Variants in NOP53 observed in about 807,000 individuals in gnomAD.
NOP53 encodes ribosome biogenesis protein NOP53.
In NOP53, 40 loss-of-function variants were observed where a neutral mutation model predicts 61.0. The observed-to-expected ratio is 0.66, with a 90% CI of 0.51 to 0.85. NOP53 has a LOEUF of 0.85. Ranked by LOEUF, NOP53 falls within the 40% of genes least tolerant of loss-of-function variation. The pLI is 0.00. For missense variants in NOP53, 689 were observed against 652.9 expected (o/e 1.06, Z -0.60); for synonymous variants, 308 against 289.5 (o/e 1.06, Z -0.65).
rs752146853 is a variant in NOP53 at position 47,752,571 on chromosome 19, C to CGG, written c.730_731dup (p.Ala245GlufsTer137). ...CACCCGCCGTGGAGGTGGCGCCTGC[C>CGG]GGAGCTTCCTACAATCCATCCTTTG... On this transcript the variant is annotated frameshift_variant, in exon 6 of 13. Coordinates refer to ENST00000246802, the MANE Select transcript of NOP53 (RefSeq NM_015710.5). LOFTEE classifies it high-confidence loss of function. The CGG allele has an allele frequency of 1.2e-6, 2 of 1,610,876 alleles. No homozygotes were observed. Among genetic ancestry groups the CGG allele is most frequent in the African/African-American group, 2.7e-5 (2 of 74,904 alleles).
At chr19:47,756,172 C>G (rs1389782311) in intron 10 of NOP53, 4 of 510,438 alleles carry the variant, frequency 7.8e-6, no homozygotes, top group African/African-American at 1.9e-5. Flanking sequence ...AGCCCAGCTC[C>G]TCTGTCAGCC....
At position 47,745,652 on chromosome 19, in the gene NOP53, CCCAG is replaced by C. The variant is rs1314195461; in HGVS notation, c.95_98del (p.Pro32ArgfsTer2). On this transcript the variant is annotated frameshift_variant, in exon 1 of 13. Transcript: ENST00000246802. LOFTEE classifies it high-confidence loss of function. ...TGGGGCTGCGGCCCACTTCGGTGGA[CCCAG>C]CGCTGAGGCGGCGGCGGCGAGGCCC... is the stretch of plus-strand genomic sequence containing the variant. 2.5e-6 allele frequency: 4 copies of C among 1,613,762 alleles called. No homozygotes were observed. The Admixed American group carries it at 6.7e-5, about 27-fold the overall frequency.
intron 2 of NOP53, among the ~76,000 whole-genome samples, chr19:47,747,383 T>C (rs1293711644): frequency 6.6e-6 from 1 of 152,072 alleles, no homozygotes; most frequent in Non-Finnish European, 1.5e-5. Flanking sequence ...GAGTCACGCC[T>C]GTATTCCCAG....
At chr19:47,748,936 T>TCG (rs1967094097) in intron 2 of NOP53, among the ~76,000 whole-genome samples, 1 of 151,306 alleles carries the variant, frequency 6.6e-6, no homozygotes, top group Non-Finnish European at 1.5e-5. Context: ...CTGATGCGGG[T>TCG]GGATCACCTG....
In NOP53 at chr19:47,754,858, G is replaced by T; in HGVS notation, c.1020G>T (p.Gln340His). Residue 340 changes from glutamine to histidine, a missense_variant, in exon 8 of 13, where the codon CAG (glutamine) becomes CAT (histidine). By Grantham distance (24) the Gln-to-His change is conservative. Transcript: ENST00000246802. The surrounding 1 kb of genome is among the most constrained non-coding windows in gnomAD (Gnocchi z 4.2). The part of the protein sequence containing the change: ...RLATTEKKTE[Q>H]QRRREKAVHR... The stretch of plus-strand genomic sequence containing the variant: ...CCACCACAGAGAAGAAGACGGAGCA[G>T]CAGCGGCGGCGGGAGAAGGCTGTGC... 2.0e-6 allele frequency: 3 copies of T among 1,533,256 alleles called. No individual in the cohort carries two copies. Among genetic ancestry groups the T allele is most frequent in the Non-Finnish European group, 2.6e-6 (3 of 1,149,480 alleles). 95.0% of individuals were successfully genotyped at this position (1,533,256 alleles called of 1,614,324 possible). A position where few individuals can be genotyped will look rare whatever the true frequency, so the allele number is the denominator to read the frequency against.
chr19:47,756,653 C>T (rs1179967254), intron 11 of NOP53, 35 bp from the exon 12 acceptor site: 4 of 1,613,456 alleles, frequency 2.5e-6, no homozygotes, highest in Non-Finnish European at 3.4e-6. Flanking sequence ...TGGGATTGGC[C>T]CCGGGCACTG....
At chr19:47,755,613 C>T (rs1244411044) in intron 9 of NOP53, 90 bp downstream of exon 9, 2 of 1,365,558 alleles carry the variant, frequency 1.5e-6, no homozygotes, top group East Asian at 5.0e-5. Flanking sequence ...CAGGAACTGC[C>T]CACCCCCCCC....
Position 47,745,704 on chromosome 19 carries a change from C to T in NOP53, c.145C>T (p.Arg49Trp). ...CCCAAGAAATAAGAAGCGGGGCTGG[C>T]GGCGGCTTGCTCAGGAGCCGCTGGG... ...RGPRNKKRGW[R>W]RLAQEPLGLE... Residue 49 changes from arginine to tryptophan, a missense_variant, in exon 1 of 13, where the codon CGG (arginine) becomes TGG (tryptophan). Transcript: ENST00000246802. 2 of 1,611,848 alleles carry T rather than the reference C, an allele frequency of 1.2e-6. No homozygotes were observed. Among genetic ancestry groups the T allele is most frequent in the Non-Finnish European group, 1.7e-6 (2 of 1,179,106 alleles).
intron 3 of NOP53, 142 bp downstream of exon 3, chr19:47,750,428 G>A (rs1967110697): frequency 1.6e-6 from 1 of 626,534 alleles, no homozygotes; most frequent in Non-Finnish European, 2.9e-6. Flanking sequence ...AGATTAGAGG[G>A]AGGGAGTCTG....
chr19:47,746,749 C>T (rs558018556), intron 1 of NOP53: 19 of 438,762 alleles, frequency 4.3e-5, no homozygotes, highest in Middle Eastern at 6.3e-4. Context: ...GTGAGCCACC[C>T]GCCTGGGCCT....
chr19:47,747,690 C>A (rs1044527284), intron 2 of NOP53, among the ~76,000 whole-genome samples: 4 of 150,832 alleles, frequency 2.7e-5, no homozygotes, highest in Admixed American at 2.6e-4. Context: ...GATCTCAGTT[C>A]AAGCGATTCT....
chr19:47,746,797 C>G, intron 1 of NOP53, 170 bp from the exon 2 acceptor site: 1 of 570,822 alleles, frequency 1.8e-6, no homozygotes, highest in Non-Finnish European at 3.1e-6. Flanking sequence ...GCCACTGCGC[C>G]TGGCAGTCCT....
chr19:47,749,424 G>T (rs762993118), intron 2 of NOP53, among the ~76,000 whole-genome samples: 2 of 152,114 alleles, frequency 1.3e-5, no homozygotes, highest in Non-Finnish European at 2.9e-5. Flanking sequence ...TGCTTTGTGG[G>T]CCTTAAATGA....
At chr19:47,750,812 G>A in intron 3 of NOP53, 96 bp from the exon 4 acceptor site, 5 of 992,600 alleles carry the variant, frequency 5.0e-6, no homozygotes, top group South Asian at 1.4e-5. Context: ...TGCTGAAGCT[G>A]CCTTAATGGT....
Position 47,754,399 on chromosome 19 carries a change from G to A in NOP53, c.766-128G>A. On this transcript the variant is annotated intron_variant, in intron 6 of 12. Transcript: ENST00000246802. This position sits in a 1 kb window ranked among gnomAD's most constrained non-coding sequence, Gnocchi z 4.2. ...GGGTGGGTGTGCTGGTAGACGGGGT[G>A]TGGGGAGGAAAGCCTGGGCCGGGGC... 4.1e-6 allele frequency: 3 copies of A among 723,650 alleles called. No individual in the cohort carries two copies. The highest frequency in any genetic ancestry group is 2.7e-5 in the East Asian group (1 of 36,746). 44.8% of individuals were successfully genotyped at this position (723,650 alleles called of 1,614,324 possible). A position where few individuals can be genotyped will look rare whatever the true frequency, so the allele number is the denominator to read the frequency against.
In NOP53 at chr19:47,754,922, T is replaced by C; in HGVS notation, c.1053+31T>C. 6.8e-7 allele frequency: 1 copy of C among 1,477,028 alleles called. No individual in the cohort carries two copies. Among genetic ancestry groups the C allele is most frequent in the South Asian group, 1.3e-5 (1 of 75,492 alleles). 91.5% of individuals were successfully genotyped at this position (1,477,028 alleles called of 1,614,324 possible). ...CGCCTGGGCCAGCGGGGCCTGCCTC[T>C]GATGCCTCGCCCCCTTCCTTCCTTC... On this transcript the variant is annotated intron_variant, in intron 8 of 12. Transcript: ENST00000246802. The surrounding 1 kb of genome is among the most constrained non-coding windows in gnomAD (Gnocchi z 4.2).
At chr19:47,749,185 A>G (rs1967096801) in intron 2 of NOP53, among the ~76,000 whole-genome samples, 1 of 151,514 alleles carries the variant, frequency 6.6e-6, no homozygotes. Flanking sequence ...GTGGGGGGTT[A>G]TTAGAGAAGT....
intron 6 of NOP53, chr19:47,752,963 C>A: frequency 4.9e-6 from 1 of 205,346 alleles, no homozygotes; most frequent in Non-Finnish European, 9.9e-6. Flanking sequence ...TGAGAGAGAC[C>A]GTGGCGCCTT....
At chr19:47,752,812 T>C (rs933176453) in intron 6 of NOP53, 4 of 534,956 alleles carry the variant, frequency 7.5e-6, no homozygotes, top group African/African-American at 1.9e-5. Flanking sequence ...ACGGGGCACC[T>C]GGCCCAGCCT....
Sources: allele counts gnomAD v4.1 joint callset (sites outside exome capture counted in the v4.1 genomes callset), GRCh38; gene constraint gnomAD v4.1.1; non-coding constraint Gnocchi (gnomAD v3.1); transcripts MANE v1.5; gene names NCBI Gene and HGNC (gene_info 2026-07-23, HGNC 2026-07-21).